Variants in GBX2 observed in about 807,000 individuals in gnomAD.
The protein encoded by GBX2 is homeobox protein GBX-2.
GBX2 carries 5 observed loss-of-function variants against 22.4 expected under a neutral mutation model. The ratio of observed to expected loss-of-function variants is 0.22; its 90% CI spans 0.12 to 0.47. The LOEUF (loss-of-function observed/expected upper bound fraction) is 0.47, where lower values mean the gene tolerates loss of function less well. Among genes scored for constraint, GBX2 ranks in the 20% least tolerant of loss-of-function variants. The pLI is 0.99. For synonymous variants in GBX2, 220 were observed against 230.5 expected (o/e 0.95, Z 0.41); for missense variants, 470 against 495.4 (o/e 0.95, Z 0.49).
chr2:236,165,742 C>T lies in GBX2; in HGVS notation c.*172G>A. On this transcript the variant is annotated 3_prime_UTR_variant, in exon 2 of 2. Coordinates refer to ENST00000306318, the MANE Select transcript of GBX2 (RefSeq NM_001485.4). ...CGTGTCTTCTGGTGTGGCTGTAAGC[C>T]CCTTCAAAAGCAGTCTTTTAAGCCC... 1.7e-6 allele frequency: 1 copy of T among 599,124 alleles called. No individual in the cohort carries two copies. Among genetic ancestry groups the T allele is most frequent in the Non-Finnish European group, 3.0e-6 (1 of 338,062 alleles). 37.1% of individuals were successfully genotyped at this position (599,124 alleles called of 1,614,324 possible).
At chr2:236,164,560 T>C (rs1384651576), downstream of GBX2, among the ~76,000 whole-genome samples, 1 of 151,870 alleles carries the variant, frequency 6.6e-6, no homozygotes, top group Non-Finnish European at 1.5e-5. Context: ...CCAGCTCCCC[T>C]GCGTAGCCTC....
chr2:236,167,318 C>CCT (rs2060245769), intron 1 of GBX2, 131 bp downstream of exon 1: 1 of 1,367,664 alleles, frequency 7.3e-7, no homozygotes, highest in Non-Finnish European at 9.9e-7. Context: ...CGGGCCTCAT[C>CCT]CTCCAGCTCC....
downstream of GBX2, among the ~76,000 whole-genome samples, chr2:236,163,956 G>A (rs1291817587): frequency 6.6e-6 from 1 of 152,128 alleles, no homozygotes; most frequent in Non-Finnish European, 1.5e-5. Context: ...CGCAGAGCCG[G>A]CCGACGCCCT....
At position 236,166,365 on chromosome 2, in the gene GBX2, A is replaced by C; in HGVS notation, c.596T>G (p.Phe199Cys). The change falls in exon 2 of 2, where the codon TTC (phenylalanine) becomes TGC (cysteine). Residue 199 changes from phenylalanine to cysteine, a missense_variant. Phe to Cys is a radical substitution (Grantham distance 205). Transcript: ENST00000306318. This position sits in a 1 kb window ranked among gnomAD's most constrained non-coding sequence, Gnocchi z 6.6. ...EDDPKGKEES[F>C]SLESDVDYSS... Reference sequence around the variant, plus strand: ...GTAGTCCACATCGCTCTCCAGCGAGAAGCTCTCCTCCTTGCCCTTCGGGTC... The same window carrying C: ...GTAGTCCACATCGCTCTCCAGCGAGCAGCTCTCCTCCTTGCCCTTCGGGTC... 1 of 1,614,050 alleles carries C rather than the reference A, an allele frequency of 6.2e-7. No homozygotes were observed. The highest frequency in any genetic ancestry group is 2.2e-5 in the East Asian group (1 of 44,876).
At chr2:236,167,351 C>T in intron 1 of GBX2, 98 bp downstream of exon 1, 3 of 1,384,846 alleles carry the variant, frequency 2.2e-6, no homozygotes, top group South Asian at 1.5e-5. Context: ...CGAGCGGGGG[C>T]GCGGCCTCGC....
chr2:236,165,903 C>G lies in GBX2; in HGVS notation c.*11G>C, dbSNP rs761187236. On this transcript the variant is annotated 3_prime_UTR_variant, in exon 2 of 2. Transcript: ENST00000306318. ...TCCAGGTGGGTGCCAGGCCCTGGCC[C>G]TTCTGGACCCTCAGGGCCGGGCCTG... 2 of 1,607,454 alleles carry G rather than the reference C, an allele frequency of 1.2e-6. No homozygotes were observed. Among genetic ancestry groups the G allele is most frequent in the Admixed American group, 1.7e-5 (1 of 59,548 alleles).
In GBX2 at chr2:236,168,158, GGGGTGA is replaced by G; in HGVS notation, c.-193_-188del. 2.0e-6 allele frequency: 1 copy of G among 498,446 alleles called. No individual in the cohort carries two copies. The highest frequency in any genetic ancestry group is 3.0e-6 in the Non-Finnish European group (1 of 331,522). The allele number at this position is 498,446 out of a possible 1,614,324, so 30.9% of individuals were successfully genotyped here. A position where few individuals can be genotyped will look rare whatever the true frequency, so the allele number is the denominator to read the frequency against. On this transcript the variant is annotated 5_prime_UTR_variant, in exon 1 of 2. Coordinates refer to ENST00000306318, the MANE Select transcript of GBX2 (RefSeq NM_001485.4). ...TGCCGGGCGGGTGCAGGGGGTGTGCGGGGTGAGGCCGTGCGCCCCGGAGTGGAGAGG... is the reference window on the plus strand; with the variant it reads ...TGCCGGGCGGGTGCAGGGGGTGTGCGGGCCGTGCGCCCCGGAGTGGAGAGG...
Position 236,167,323 on chromosome 2 carries a change from A to T in GBX2, c.523+126T>A, listed in dbSNP as rs143226635. The stretch of plus-strand genomic sequence containing the variant: ...GCGGCACAGCCGGGCCTCATCCTCC[A>T]GCTCCTCCCGCGGGGGTCGAGCGGG... On this transcript the variant is annotated intron_variant, in intron 1 of 1. Transcript: ENST00000306318. 4.3e-3 allele frequency: 5,944 copies of T among 1,376,658 alleles called. 169 individuals are homozygous for T. In the African/African-American group the frequency reaches 0.066, roughly 15 times the overall value. The allele number at this position is 1,376,658 out of a possible 1,614,324, so 85.3% of individuals were successfully genotyped here.
rs2060255587 is a variant in GBX2 at position 236,168,334 on chromosome 2, G to C, written c.-363C>G. On this transcript the variant is annotated 5_prime_UTR_variant, in exon 1 of 2. Transcript: ENST00000306318. ...GTCCGTCGCCTCCCGCGGGCCGCTG[G>C]GGAGCGCGCGAAGCCGGCGTACTTA... 6.1e-6 allele frequency: 1 copy of C among 165,050 alleles called. No individual in the cohort carries two copies. Among genetic ancestry groups the C allele is most frequent in the Non-Finnish European group, 1.3e-5 (1 of 76,708 alleles). 10.2% of individuals were successfully genotyped at this position (165,050 alleles called of 1,614,324 possible). A position where few individuals can be genotyped will look rare whatever the true frequency, so the allele number is the denominator to read the frequency against.
In GBX2 at chr2:236,167,497, C is replaced by T; in HGVS notation, c.475G>A (p.Gly159Ser). ...EDGKGFLAKE[G>S]SLLAFSAAET... ...GCCGCGGAGAAGGCGAGCAGCGAGC[C>T]CTCTTTGGCCAGGAAGCCTTTGCCG... Residue 159 changes from glycine to serine, a missense_variant, in exon 1 of 2, where the codon GGC becomes AGC. Around this residue, in one of 4 missense-constraint regions of GBX2, gnomAD observed 377 missense variants for 358.6 expected, o/e 1.05. Coordinates refer to ENST00000306318, the MANE Select transcript of GBX2 (RefSeq NM_001485.4). The T allele has an allele frequency of 6.3e-7, 1 of 1,590,748 alleles. No individual in the cohort carries two copies. Among genetic ancestry groups the T allele is most frequent in the Admixed American group, 1.7e-5 (1 of 59,028 alleles).
At chr2:236,167,067 T>G (rs1054781404) in intron 1 of GBX2, 39 of 1,359,272 alleles carry the variant, frequency 2.9e-5, no homozygotes, top group Middle Eastern at 1.8e-4. Context: ...TTAAAAAGTC[T>G]GGGCGCCCCT....
downstream of GBX2, among the ~76,000 whole-genome samples, chr2:236,161,856 C>A: frequency 6.6e-6 from 1 of 152,208 alleles, no homozygotes. Context: ...CTGCTGAATG[C>A]GTGGGCTCCA....
At chr2:236,167,428 C>T (rs2060246894) in intron 1 of GBX2, 21 bp downstream of exon 1, 1 of 1,485,364 alleles carries the variant, frequency 6.7e-7, no homozygotes, top group Non-Finnish European at 8.9e-7. Context: ...CTCGTCCCGG[C>T]TGCGCGCGCC....
downstream of GBX2, among the ~76,000 whole-genome samples, chr2:236,163,058 T>C (rs1004302698): frequency 4.6e-5 from 7 of 152,190 alleles, no homozygotes; most frequent in Non-Finnish European, 2.9e-5. Context: ...TGATTACAAT[T>C]TGCAAAAAAA....
At chr2:236,167,359 C>T in intron 1 of GBX2, 90 bp downstream of exon 1, 1 of 1,405,142 alleles carries the variant, frequency 7.1e-7, no homozygotes, top group Non-Finnish European at 9.3e-7. Context: ...GGCGCGGCCT[C>T]GCCCCCTTGG....
At chr2:236,162,414 C>T (rs1441864560), downstream of GBX2, among the ~76,000 whole-genome samples, 1 of 152,256 alleles carries the variant, frequency 6.6e-6, no homozygotes, top group Non-Finnish European at 1.5e-5. Flanking sequence ...ATTTGAGCAG[C>T]TTCCAGTGCA....
At chr2:236,164,653 C>T (rs1251377494), downstream of GBX2, among the ~76,000 whole-genome samples, 1 of 152,148 alleles carries the variant, frequency 6.6e-6, no homozygotes, top group Non-Finnish European at 1.5e-5. Flanking sequence ...CTCGACCCCG[C>T]CCGGAGGGGG....
In GBX2 at chr2:236,166,264, G is replaced by T; in HGVS notation, c.697C>A (p.Pro233Thr). ...DPGHALEETPPSSGAAGSTTS... is the reference protein window; with the variant it reads ...DPGHALEETPTSSGAAGSTTS... ...GTGCTGCCCGCGGCGCCGCTGCTCG[G>T]CGGGGTCTCCTCCAGCGCGTGGCCC... Residue 233 changes from proline to threonine, a missense_variant, in exon 2 of 2, where the codon CCG becomes ACG. Pro to Thr is a conservative substitution (Grantham distance 38). Transcript: ENST00000306318. This position sits in a 1 kb window ranked among gnomAD's most constrained non-coding sequence, Gnocchi z 6.6. 1 of 1,613,674 alleles carries T rather than the reference G, an allele frequency of 6.2e-7. No homozygotes were observed. The highest frequency in any genetic ancestry group is 8.5e-7 in the Non-Finnish European group (1 of 1,179,974).
chr2:236,161,551 C>T (rs930945107), downstream of GBX2, among the ~76,000 whole-genome samples: 3 of 152,304 alleles, frequency 2.0e-5, no homozygotes, highest in East Asian at 1.9e-4. Flanking sequence ...TGTAGAACCC[C>T]GGCCTTAGCT....
Sources: gnomAD v4.1 joint callset for allele counts (sites outside exome capture counted in the v4.1 genomes callset) on GRCh38, gnomAD v4.1.1 for gene constraint, gnomAD v4.1.1 regional missense constraint, Gnocchi (gnomAD v3.1) non-coding constraint, MANE v1.5 for transcripts, NCBI Gene and HGNC (gene_info 2026-07-23, HGNC 2026-07-21) for gene names.